ABCB4: variants seen among roughly 807,000 people sequenced by gnomAD.
The protein encoded by ABCB4 is ATP binding cassette subfamily B member 4.
In ABCB4, 76 loss-of-function variants were observed where a neutral mutation model predicts 145.7. The observed-to-expected ratio is 0.52, with a 90% confidence interval of 0.43 to 0.63. The LOEUF is 0.63. Ranked by LOEUF, ABCB4 falls within the 30% of genes least tolerant of loss-of-function variation. The probability of loss-of-function intolerance (pLI) is 0.00; values close to 1 mark genes in which losing one functional copy is unlikely to be tolerated. For missense variants in ABCB4, 1,234 were observed against 1,553.1 expected (o/e 0.79, Z 3.45); for synonymous variants, 517 against 566.8 (o/e 0.91, Z 1.25).
the ABCB4 span, chr7:87,381,763 T>G: frequency 3.6e-6 from 2 of 555,846 alleles, no homozygotes; most frequent in South Asian, 5.7e-5. Flanking sequence ...GGGAATCTTC[T>G]ATCTTATCAT....
chr7:87,460,552 A>G (rs933742977), intron 4 of ABCB4, among the ~76,000 whole-genome samples: 2 of 152,218 alleles, frequency 1.3e-5, no homozygotes, highest in East Asian at 3.9e-4. Context: ...TTGGTTTTCT[A>G]TTCTTGTGTT....
intron 25 of ABCB4, among the ~76,000 whole-genome samples, chr7:87,407,077 G>A (rs555387439): frequency 6.6e-6 from 1 of 152,300 alleles, no homozygotes; most frequent in African/African-American, 2.4e-5. Flanking sequence ...TATTTTTGCT[G>A]GCAGTGATGG....
At chr7:87,384,808 A>G in the ABCB4 span, among the ~76,000 whole-genome samples, 1 of 152,204 alleles carries the variant, frequency 6.6e-6, no homozygotes, top group Admixed American at 6.5e-5. Flanking sequence ...CTTACAGAGC[A>G]TCCTCAATGT....
chr7:87,449,869 A>G, intron 8 of ABCB4, 99 bp downstream of exon 8: 2 of 1,582,460 alleles, frequency 1.3e-6, no homozygotes, highest in South Asian at 1.1e-5. Context: ...AGAAGGGTTA[A>G]TATTAGGAAA....
At chr7:87,386,504 A>G in the ABCB4 span, among the ~76,000 whole-genome samples, 1 of 152,194 alleles carries the variant, frequency 6.6e-6, no homozygotes, top group East Asian at 1.9e-4. Flanking sequence ...ATTGGTTACC[A>G]TATCTCCTTT....
chr7:87,446,064 C>A (rs1203711514), intron 9 of ABCB4, among the ~76,000 whole-genome samples: 2 of 152,196 alleles, frequency 1.3e-5, no homozygotes, highest in Non-Finnish European at 1.5e-5. Flanking sequence ...TCCAAACCGA[C>A]TGCCAGAGAG....
intron 6 of ABCB4, 121 bp downstream of exon 6, chr7:87,452,823 G>T: frequency 2.6e-6 from 3 of 1,164,944 alleles, no homozygotes; most frequent in Non-Finnish European, 3.7e-6. Flanking sequence ...CCAGATGATC[G>T]ATTTCTAATA....
intron 16 of ABCB4, 128 bp downstream of exon 16, chr7:87,426,622 T>C: frequency 2.2e-6 from 2 of 899,868 alleles, no homozygotes; most frequent in South Asian, 3.2e-5. Flanking sequence ...AAAATTTTTT[T>C]CTTTACAAAG....
At chr7:87,399,564 A>G (rs1239991548), downstream of ABCB4, 3 of 152,252 alleles carry the variant, frequency 2.0e-5, no homozygotes, top group African/African-American at 7.2e-5. Context: ...TTACACACAT[A>G]AAACCGTAAC....
intron 23 of ABCB4, among the ~76,000 whole-genome samples, chr7:87,411,571 C>T (rs1808626513): frequency 6.6e-6 from 1 of 152,122 alleles, no homozygotes; most frequent in African/African-American, 2.4e-5. Flanking sequence ...TCCATGGTCA[C>T]CAGCAACTTT....
At chr7:87,433,669 G>GTTTTTTTTTTTTTTTTTTTTTTTTT (rs752621529) in intron 14 of ABCB4, among the ~76,000 whole-genome samples, 2 of 124,052 alleles carry the variant, frequency 1.6e-5, no homozygotes, top group Non-Finnish European at 1.6e-5. Context: ...ACAAAAAATT[G>GTTTTTTTTTTTTTTTTTTTTTTTTT]TTGTTGTTTT....
chr7:87,384,946 A>T, the ABCB4 span, among the ~76,000 whole-genome samples: 12 of 152,138 alleles, frequency 7.9e-5, no homozygotes, highest in Admixed American at 7.9e-4. Flanking sequence ...TCCAGTTTTC[A>T]TGGAGCCATT....
chr7:87,472,593 TA>T, intron 3 of ABCB4, 27 bp downstream of exon 3: 1 of 1,554,934 alleles, frequency 6.4e-7, no homozygotes, highest in Non-Finnish European at 8.9e-7. Context: ...AAGGTAGGAT[TA>T]TTCACATTTA....
Position 87,452,955 on chromosome 7 carries a change from C to G in ABCB4, c.525G>C (p.Thr175=), listed in dbSNP as rs558416191. ...AACAATGTACCTACTCTGTTAGCCGCGTATTGAGTTCAGTGGTGTCGTTGA... is the reference window on the plus strand; with the variant it reads ...AACAATGTACCTACTCTGTTAGCCGGGTATTGAGTTCAGTGGTGTCGTTGA... ...FDINDTTELN[T]RLTDDISKIS... The change falls in exon 6 of 28, where the codon ACG becomes ACC. Residue 175 remains threonine, a synonymous_variant. Transcript: ENST00000649586. 5 of 1,613,872 alleles carry G rather than the reference C, an allele frequency of 3.1e-6. No individual in the cohort carries two copies. The South Asian group carries it at 5.5e-5, about 18-fold the overall frequency.
intron 14 of ABCB4, among the ~76,000 whole-genome samples, chr7:87,439,342 G>A (rs565165872): frequency 5.9e-5 from 9 of 152,172 alleles, no homozygotes; most frequent in Admixed American, 2.0e-4. Flanking sequence ...CTGGGTAACC[G>A]GATTTAAAAA....
the ABCB4 span, among the ~76,000 whole-genome samples, chr7:87,391,023 C>T: frequency 6.6e-6 from 1 of 152,202 alleles, no homozygotes; most frequent in Non-Finnish European, 1.5e-5. Context: ...TTTTCATCTG[C>T]TCTCCTGAGG....
chr7:87,461,786 C>A (rs1176069907), intron 4 of ABCB4, among the ~76,000 whole-genome samples: 1 of 152,164 alleles, frequency 6.6e-6, no homozygotes, highest in African/African-American at 2.4e-5. Context: ...ATTAATTAAA[C>A]AATCCTATTC....
chr7:87,440,316 C>G lies in ABCB4; in HGVS notation c.1443G>C (p.Leu481=), dbSNP rs746551593. 6.2e-7 allele frequency: 1 copy of G among 1,613,998 alleles called. No individual in the cohort carries two copies. Among genetic ancestry groups the G allele is most frequent in the African/African-American group, 1.3e-5 (1 of 74,918 alleles). ...TATTTTCAGCAATTGTGGTGGAAAA[C>G]AGCACCGGCTCCTGACTCACCACAC... ...IIGVVSQEPV[L]FSTTIAENIC... Residue 481 remains leucine (L), a synonymous_variant, in exon 13 of 28, where the codon CTG becomes CTC. Transcript: ENST00000649586.
chr7:87,439,269 G>A (rs1179139563), intron 14 of ABCB4, among the ~76,000 whole-genome samples: 3 of 152,164 alleles, frequency 2.0e-5, no homozygotes, highest in African/African-American at 7.2e-5. Context: ...AATAGATAAA[G>A]ATGATGTCAC....
Sources: gnomAD v4.1 joint callset for allele counts (sites outside exome capture counted in the v4.1 genomes callset) on GRCh38, gnomAD v4.1.1 for gene constraint, MANE v1.5 for transcripts, NCBI Gene and HGNC (gene_info 2026-07-23, HGNC 2026-07-21) for gene names.